SHROOM4: variants seen among roughly 807,000 people sequenced by gnomAD.
The protein encoded by SHROOM4 is protein Shroom4.
Under a neutral mutation model 80.3 loss-of-function variants are expected in SHROOM4, and 17 were observed. The observed-to-expected ratio is 0.21, with a 90% CI of 0.14 to 0.32. The LOEUF is 0.32. Ranked by LOEUF, SHROOM4 falls within the 10% of genes least tolerant of loss-of-function variation. The pLI is 1.00. For missense variants in SHROOM4, 993 were observed against 1,140.3 expected, an observed-to-expected ratio of 0.87 and a Z score of 1.86; for synonymous variants, 400 against 437.5, an observed-to-expected ratio of 0.91 and a Z score of 1.07.
Position 50,595,780 on chromosome X carries a change from G to A in SHROOM4, c.*915C>T, listed in dbSNP as rs782791804. ...TTCCCTCTCCAACTTCCCTCTTCTC[G>A]CCTTATTAGTTAAAAAAGAAAAAAA... On this transcript the variant is annotated 3_prime_UTR_variant, in exon 9 of 9. Coordinates refer to ENST00000376020, the MANE Select transcript of SHROOM4 (RefSeq NM_020717.5). The A allele has an allele frequency of 7.2e-5, 22 of 306,606 alleles. No homozygotes were observed. Among genetic ancestry groups the A allele is most frequent in the Non-Finnish European group, 1.1e-4 (18 of 163,929 alleles). The allele number at this position is 306,606 out of a possible 1,213,427, so 25.3% of individuals were successfully genotyped here.
chrX:50,576,597 C>T, the SHROOM4 span, among the ~76,000 whole-genome samples: 1 of 110,893 alleles, frequency 9.0e-6, no homozygotes, highest in Non-Finnish European at 1.9e-5. Context: ...TTAAGTCTTC[C>T]ATTTTGTGTG....
At chrX:50,812,437 G>A (rs1557273535) in intron 1 of SHROOM4, among the ~76,000 whole-genome samples, 2 of 109,777 alleles carry the variant, frequency 1.8e-5, no homozygotes, top group Non-Finnish European at 3.8e-5. Context: ...TAAAGTACAT[G>A]ACAAGTATGG....
At chrX:50,712,555 A>C (rs1257329241) in intron 1 of SHROOM4, among the ~76,000 whole-genome samples, 1 of 111,652 alleles carries the variant, frequency 9.0e-6, no homozygotes, top group Non-Finnish European at 1.9e-5. Context: ...ACACATAAAC[A>C]CCTATTACGT....
chrX:50,780,871 T>G (rs1366263139), intron 1 of SHROOM4, among the ~76,000 whole-genome samples: 2 of 111,498 alleles, frequency 1.8e-5, no homozygotes, highest in East Asian at 5.7e-4. Context: ...GGAGATATTA[T>G]GAGGGATTGG....
intron 1 of SHROOM4, among the ~76,000 whole-genome samples, chrX:50,803,886 T>C (rs1200965137): frequency 8.9e-6 from 1 of 111,865 alleles, no homozygotes; most frequent in Non-Finnish European, 1.9e-5. Context: ...GATTGATTGA[T>C]TGGAGGCCTA....
rs1557266951 is a variant in SHROOM4 at position 50,738,949 on chromosome X, A to G, written c.118-43012T>C. Reference sequence around the variant, plus strand: ...CAAACCATACTGCAAGGCTACAGTAACCAAAACAGCGTGGTACTGCTACCA... The same window carrying G: ...CAAACCATACTGCAAGGCTACAGTAGCCAAAACAGCGTGGTACTGCTACCA... On this transcript the variant is annotated intron_variant, in intron 1 of 8. Transcript: ENST00000376020. Among the ~76,000 whole-genome samples, 3 of 112,019 alleles carry G rather than the reference A, an allele frequency of 2.7e-5. 1 individual carries two copies. The highest frequency in any genetic ancestry group is 9.5e-5 in the Admixed American group (1 of 10,544).
chrX:50,608,172 A>G lies in SHROOM4; in HGVS notation c.2970T>C (p.His990=), dbSNP rs781821858. The part of the protein sequence containing the change: ...KTSQSGREMA[H]SKTSFSWATP... Reference sequence around the variant, plus strand: ...TTGCCCATGAAAAGCTAGTCTTGGAATGAGCCATTTCCCTGCAAAACATCA... The same window carrying G: ...TTGCCCATGAAAAGCTAGTCTTGGAGTGAGCCATTTCCCTGCAAAACATCA... The change falls in exon 6 of 9, where the codon CAT becomes CAC. Residue 990 remains histidine, a synonymous_variant. Transcript: ENST00000376020. 6.6e-6 allele frequency: 8 copies of G among 1,210,174 alleles called. No homozygotes were observed. The East Asian group carries it at 2.4e-4, about 36-fold the overall frequency.
At chrX:50,812,763 A>T (rs781915919) in intron 1 of SHROOM4, among the ~76,000 whole-genome samples, 1 of 110,492 alleles carries the variant, frequency 9.1e-6, no homozygotes, top group Non-Finnish European at 1.9e-5. Flanking sequence ...CCGCAAAAAA[A>T]AAGTGATATT....
chrX:50,601,336 C>A (rs904280457), intron 7 of SHROOM4, among the ~76,000 whole-genome samples: 1 of 112,165 alleles, frequency 8.9e-6, no homozygotes, highest in Admixed American at 9.4e-5. Context: ...AGTACCCCTG[C>A]TCGGGGAACA....
intron 2 of SHROOM4, among the ~76,000 whole-genome samples, chrX:50,688,438 A>AT (rs1284488947): frequency 9.0e-6 from 1 of 111,245 alleles, no homozygotes; most frequent in African/African-American, 3.3e-5. Context: ...TTGCAGCAAC[A>AT]TGGAGGACGT....
intron 1 of SHROOM4, among the ~76,000 whole-genome samples, chrX:50,795,127 GATATATATATATATATATGATATATAT>G (rs201429915): frequency 0.076 from 177 of 2,332 alleles, 19 homozygotes; most frequent in East Asian, 0.14. Context: ...ATATATATAT[GATATATATATATATATATGATATATAT>G]ATATATATAT....
chrX:50,701,340 C>G (rs1052473708), intron 1 of SHROOM4, among the ~76,000 whole-genome samples: 2 of 111,828 alleles, frequency 1.8e-5, no homozygotes, highest in Non-Finnish European at 3.8e-5. Flanking sequence ...CAAGTCAGAT[C>G]GTCCTGCTGT....
intron 2 of SHROOM4, among the ~76,000 whole-genome samples, chrX:50,642,277 A>T (rs1422867391): frequency 1.8e-5 from 2 of 111,812 alleles, no homozygotes; most frequent in Non-Finnish European, 1.9e-5. Context: ...TATGTTTTGG[A>T]TTAAATGCAG....
At chrX:50,733,485 T>G (rs1423123510) in intron 1 of SHROOM4, among the ~76,000 whole-genome samples, 1 of 111,684 alleles carries the variant, frequency 9.0e-6, no homozygotes, top group Non-Finnish European at 1.9e-5. Context: ...TCTTGCTGTC[T>G]CTCATGCATG....
rs1452737389 is a variant in SHROOM4 at position 50,633,208 on chromosome X, G to A, written c.2865C>T (p.Asn955=). 1 of 1,209,570 alleles carries A rather than the reference G, an allele frequency of 8.3e-7. No individual in the cohort carries two copies. The highest frequency in any genetic ancestry group is 1.7e-5 in the African/African-American group (1 of 57,210). The stretch of plus-strand genomic sequence containing the variant: ...CTGTCAGCTTCCTGGGTTTCCAAGT[G>A]TTGCCAGGTGCCAAGCTGCTGTCCT... The part of the protein sequence containing the change: ...ALEDSSLAPG[N]TWKPRKLTVQ... Residue 955 remains asparagine, a synonymous_variant, in exon 4 of 9, where the codon AAC becomes AAT. Transcript: ENST00000376020.
At chrX:50,772,749 T>C (rs1557269819) in intron 1 of SHROOM4, among the ~76,000 whole-genome samples, 1 of 112,055 alleles carries the variant, frequency 8.9e-6, no homozygotes. Flanking sequence ...AAAGACAGTC[T>C]TTGTTTGATT....
intron 1 of SHROOM4, among the ~76,000 whole-genome samples, chrX:50,702,892 A>T (rs1421766611): frequency 8.9e-6 from 1 of 111,824 alleles, no homozygotes; most frequent in Non-Finnish European, 1.9e-5. Flanking sequence ...TAGTGAGGGA[A>T]TTCTCACGAG....
intron 1 of SHROOM4, among the ~76,000 whole-genome samples, chrX:50,801,897 G>T (rs782160352): frequency 1.8e-5 from 2 of 112,195 alleles, no homozygotes; most frequent in Non-Finnish European, 3.8e-5. Context: ...TAGCCTTTTA[G>T]CAAGAAGTGA....
chrX:50,664,301 AT>A (rs1474810149), intron 2 of SHROOM4, among the ~76,000 whole-genome samples: 3 of 112,080 alleles, frequency 2.7e-5, no homozygotes, highest in African/African-American at 9.7e-5. Flanking sequence ...TTTCATTTTT[AT>A]TTTTTAAACA....
Sources: gnomAD v4.1 joint callset for allele counts (sites outside exome capture counted in the v4.1 genomes callset) on GRCh38, gnomAD v4.1.1 for gene constraint, MANE v1.5 for transcripts, NCBI Gene and HGNC (gene_info 2026-07-23, HGNC 2026-07-21) for gene names.